The following HS1BP3 variants were observed in gnomAD, a reference collection of about 807,000 sequenced individuals.
The protein encoded by HS1BP3 is HCLS1 binding protein 3.
HS1BP3 carries 32 observed loss-of-function variants against 33.5 expected under a neutral mutation model. The observed-to-expected ratio is 0.95, with a 90% CI of 0.72 to 1.28. The LOEUF (loss-of-function observed/expected upper bound fraction) is 1.28, where lower values mean the gene tolerates loss of function less well. Among genes scored for constraint, HS1BP3 ranks in the 50% most tolerant of loss-of-function variants. The pLI is 0.00. For synonymous variants in HS1BP3, 187 were observed against 209.2 expected (o/e 0.89, Z 0.92); for missense variants, 486 against 502.3 (o/e 0.97, Z 0.31).
intron 2 of HS1BP3, among the ~76,000 whole-genome samples, chr2:20,602,881 T>C (rs960920008): frequency 6.6e-6 from 1 of 152,134 alleles, no homozygotes; most frequent in Non-Finnish European, 1.5e-5. Context: ...GAAAACTCAA[T>C]AATAAAAAGA....
At chr2:20,642,032 TACCCTC>T (rs1446757688) in intron 2 of HS1BP3, among the ~76,000 whole-genome samples, 1 of 152,188 alleles carries the variant, frequency 6.6e-6, no homozygotes, top group Non-Finnish European at 1.5e-5. Context: ...GCCTGGCACC[TACCCTC>T]ACTCCTAGCT....
chr2:20,615,500 G>C (rs1694405561), downstream of HS1BP3, among the ~76,000 whole-genome samples: 1 of 152,262 alleles, frequency 6.6e-6, no homozygotes, highest in Non-Finnish European at 1.5e-5. Context: ...GCTTGATGCT[G>C]AGACTTCAGC....
At chr2:20,597,006 T>C (rs1444478388) in intron 3 of HS1BP3, among the ~76,000 whole-genome samples, 1 of 152,188 alleles carries the variant, frequency 6.6e-6, no homozygotes. Flanking sequence ...TAAGGCCACA[T>C]AAAAGGCCTG....
At chr2:20,645,317 C>T in intron 2 of HS1BP3, 23 bp downstream of exon 2, 1 of 1,608,408 alleles carries the variant, frequency 6.2e-7, no homozygotes, top group Non-Finnish European at 8.5e-7. Flanking sequence ...CTCGAAACAT[C>T]CTGGCCAGAG....
chr2:20,612,619 A>G (rs1269830755), intron 2 of HS1BP3, among the ~76,000 whole-genome samples: 1 of 152,232 alleles, frequency 6.6e-6, no homozygotes, highest in Admixed American at 6.5e-5. Flanking sequence ...TTTGAGGTAG[A>G]TCCATATTGC....
the HS1BP3 span, among the ~76,000 whole-genome samples, chr2:20,554,606 C>G: frequency 6.6e-6 from 1 of 151,316 alleles, no homozygotes; most frequent in Non-Finnish European, 1.5e-5. Context: ...ACCTGTAATC[C>G]AGCTACTTGG....
At chr2:20,572,949 C>T (rs963014821) in intron 5 of HS1BP3, among the ~76,000 whole-genome samples, 2 of 152,158 alleles carry the variant, frequency 1.3e-5, no homozygotes, top group Non-Finnish European at 2.9e-5. Flanking sequence ...CTCTGTGGTC[C>T]CCAGGGCCAC....
downstream of HS1BP3, among the ~76,000 whole-genome samples, chr2:20,617,014 C>G (rs1211052180): frequency 6.6e-6 from 1 of 152,136 alleles, no homozygotes; most frequent in Admixed American, 6.5e-5. Flanking sequence ...GAATACACAA[C>G]GGGCAGGCCA....
intron 3 of HS1BP3, among the ~76,000 whole-genome samples, chr2:20,595,370 T>C (rs982137267): frequency 5.9e-5 from 9 of 152,140 alleles, no homozygotes; most frequent in African/African-American, 1.7e-4. Context: ...AGGTCATGCA[T>C]AGAAAATTCC....
At chr2:20,558,065 C>T (rs1270379732), downstream of HS1BP3, among the ~76,000 whole-genome samples, 1 of 152,212 alleles carries the variant, frequency 6.6e-6, no homozygotes, top group Non-Finnish European at 1.5e-5. Context: ...TTTCAAGGAC[C>T]CACTTGGACA....
At chr2:20,607,487 C>T (rs1409011807) in intron 2 of HS1BP3, among the ~76,000 whole-genome samples, 1 of 152,124 alleles carries the variant, frequency 6.6e-6, no homozygotes, top group East Asian at 1.9e-4. Flanking sequence ...GTGGATGTCC[C>T]CTCCAATACA....
At chr2:20,581,242 TTCCATTTATCTCAC>T in intron 5 of HS1BP3, among the ~76,000 whole-genome samples, 1 of 152,272 alleles carries the variant, frequency 6.6e-6, no homozygotes, top group Non-Finnish European at 1.5e-5. Context: ...TTCCGAAGCC[TTCCATTTATCTCAC>T]TGTCTGTATT....
At chr2:20,632,232 G>A (rs1240379824) in intron 4 of HS1BP3, among the ~76,000 whole-genome samples, 3 of 152,236 alleles carry the variant, frequency 2.0e-5, no homozygotes, top group African/African-American at 7.2e-5. Flanking sequence ...AAATGCAGGT[G>A]ATGGTGGCCG....
chr2:20,650,954 G>C, intron 1 of HS1BP3, 78 bp downstream of exon 1: 1 of 1,169,910 alleles, frequency 8.5e-7, no homozygotes, highest in Non-Finnish European at 1.1e-6. Context: ...CCTAGGAGGC[G>C]GCGGCCTCCC....
At chr2:20,642,864 G>A (rs191921631) in intron 2 of HS1BP3, among the ~76,000 whole-genome samples, 39 of 152,284 alleles carry the variant, frequency 2.6e-4, no homozygotes, top group Admixed American at 7.2e-4. Context: ...GCTGAGCACG[G>A]GGCAGACAGC....
chr2:20,571,652 C>T (rs1693277197), intron 5 of HS1BP3, among the ~76,000 whole-genome samples: 1 of 152,200 alleles, frequency 6.6e-6, no homozygotes, highest in African/African-American at 2.4e-5. Flanking sequence ...CTCCCTCCAG[C>T]CTCCTGGACC....
intron 3 of HS1BP3, among the ~76,000 whole-genome samples, chr2:20,597,610 T>C (rs968160039): frequency 6.6e-6 from 1 of 152,108 alleles, no homozygotes; most frequent in Non-Finnish European, 1.5e-5. Context: ...CCCCTCTTAC[T>C]GATTTTATAT....
chr2:20,623,963 C>A lies in HS1BP3; in HGVS notation c.853G>T (p.Ala285Ser). The change falls in exon 6 of 7, where the codon GCC becomes TCC. Residue 285 changes from alanine (A) to serine (S), a missense_variant. Physicochemically the swap from Ala to Ser is moderately conservative, Grantham distance 99. Transcript: ENST00000304031. ...IPLGDSLLLP[A>S]ACESGGPTPS... is the part of the protein sequence containing the mutation. ...GTGGGCCCTCCACTCTCACAGGCGG[C>A]TGGCAGCAGGAGGGAGTCACCCAGG... is the stretch of plus-strand genomic sequence containing the variant. The A allele has an allele frequency of 2.5e-6, 4 of 1,612,586 alleles. No individual in the cohort carries two copies. The highest frequency in any genetic ancestry group is 3.4e-6 in the Non-Finnish European group (4 of 1,179,832).
At chr2:20,581,849 G>A (rs780335454) in intron 5 of HS1BP3, among the ~76,000 whole-genome samples, 1 of 152,162 alleles carries the variant, frequency 6.6e-6, no homozygotes, top group Non-Finnish European at 1.5e-5. Context: ...TAGCTTTTCT[G>A]CTGCTAGTTG....
Sources: allele counts gnomAD v4.1 joint callset (sites outside exome capture counted in the v4.1 genomes callset), GRCh38; gene constraint gnomAD v4.1.1; transcripts MANE v1.5; gene names NCBI Gene and HGNC (gene_info 2026-07-23, HGNC 2026-07-21).